Variants in FBXL17 observed in about 807,000 individuals in gnomAD.
The protein encoded by FBXL17 is F-box/LRR-repeat protein 17.
In FBXL17, 22 loss-of-function variants were observed where a neutral mutation model predicts 66.2. The ratio of observed to expected loss-of-function variants is 0.33; its 90% CI spans 0.24 to 0.47. The LOEUF (loss-of-function observed/expected upper bound fraction) is 0.47, where lower values mean the gene tolerates loss of function less well. Among genes scored for constraint, FBXL17 ranks in the 20% least tolerant of loss-of-function variants. FBXL17 has a pLI of 1.00. For synonymous variants in FBXL17, 474 were observed against 400.5 expected, an observed-to-expected ratio of 1.18 and a Z score of -2.19; for missense variants, 878 against 948.2, an observed-to-expected ratio of 0.93 and a Z score of 0.97.
chr5:108,039,024 C>G (rs980878504), intron 6 of FBXL17, among the ~76,000 whole-genome samples: 1 of 151,972 alleles, frequency 6.6e-6, no homozygotes, highest in Non-Finnish European at 1.5e-5. Flanking sequence ...TTTAAAGATA[C>G]AAATGTTTAA....
rs187800370 is a variant in FBXL17, at chr5:108,224,332, T to G, written c.1507-104A>C. ...AGCCCCACCTTGCATCATTACTATT[T>G]CCTGCCCTGTTAGATCATTTGAATC... On this transcript the variant is annotated intron_variant, in intron 4 of 8. Transcript: ENST00000542267. 306 of 528,608 alleles carry G rather than the reference T, an allele frequency of 5.8e-4. 2 individuals are homozygous for G. Among genetic ancestry groups the G allele is most frequent in the Middle Eastern group, 1.4e-3 (5 of 3,588 alleles). 32.7% of individuals were successfully genotyped at this position (528,608 alleles called of 1,614,324 possible). A position where few individuals can be genotyped will look rare whatever the true frequency, so the allele number is the denominator to read the frequency against.
intron 6 of FBXL17, among the ~76,000 whole-genome samples, chr5:108,154,606 A>AT (rs1554070050): frequency 0.044 from 4,295 of 96,518 alleles, 154 homozygotes; most frequent in Non-Finnish European, 0.057. Context: ...AAAAAAAAAA[A>AT]ATATATATAT....
At chr5:107,969,816 A>G (rs182427265) in intron 7 of FBXL17, among the ~76,000 whole-genome samples, 2 of 152,322 alleles carry the variant, frequency 1.3e-5, no homozygotes, top group African/African-American at 2.4e-5. Flanking sequence ...TTTGAACAGT[A>G]TAATGTGGAC....
intron 5 of FBXL17, among the ~76,000 whole-genome samples, chr5:108,190,963 T>G (rs1753448460): frequency 6.6e-6 from 1 of 152,198 alleles, no homozygotes; most frequent in Non-Finnish European, 1.5e-5. Flanking sequence ...GCTCATGTGC[T>G]GACAGCAGCC....
intron 6 of FBXL17, among the ~76,000 whole-genome samples, chr5:108,133,528 T>G (rs1203201990): frequency 1.3e-5 from 2 of 152,140 alleles, no homozygotes; most frequent in African/African-American, 4.8e-5. Context: ...TTTTGGAGAC[T>G]GAATTTTAAA....
At chr5:108,251,578 T>C (rs1756352619) in intron 4 of FBXL17, among the ~76,000 whole-genome samples, 1 of 152,016 alleles carries the variant, frequency 6.6e-6, no homozygotes, top group Non-Finnish European at 1.5e-5. Context: ...TAAGATTTCC[T>C]GAAACTGAGC....
chr5:107,889,924 C>G (rs1430148990), intron 7 of FBXL17, among the ~76,000 whole-genome samples: 1 of 152,080 alleles, frequency 6.6e-6, no homozygotes, highest in Non-Finnish European at 1.5e-5. Context: ...ATATATTTAA[C>G]AGGAACCTGA....
At chr5:108,225,026 G>A (rs757019208) in intron 4 of FBXL17, among the ~76,000 whole-genome samples, 3 of 152,040 alleles carry the variant, frequency 2.0e-5, no homozygotes, top group Middle Eastern at 3.4e-3. Context: ...CACCATTACC[G>A]ATATCTAATT....
At chr5:108,018,116 G>A (rs1754452812) in intron 7 of FBXL17, among the ~76,000 whole-genome samples, 1 of 151,042 alleles carries the variant, frequency 6.6e-6, no homozygotes. Context: ...AGAAAGAGGA[G>A]GCCAAAAACA....
intron 6 of FBXL17, among the ~76,000 whole-genome samples, chr5:108,102,730 C>A (rs1422646255): frequency 3.9e-5 from 6 of 152,060 alleles, no homozygotes; most frequent in Non-Finnish European, 1.5e-5. Flanking sequence ...AAGACAAAAA[C>A]CTTTATGAAA....
intron 7 of FBXL17, among the ~76,000 whole-genome samples, chr5:107,980,813 C>T (rs373400771): frequency 2.7e-5 from 4 of 149,396 alleles, no homozygotes; most frequent in South Asian, 2.1e-4. Flanking sequence ...CCCACCACCA[C>T]GCCTGGCTAA....
intron 4 of FBXL17, among the ~76,000 whole-genome samples, chr5:108,314,513 C>T (rs1282292760): frequency 1.3e-5 from 2 of 151,328 alleles, no homozygotes; most frequent in Admixed American, 6.6e-5. Flanking sequence ...GTTCCAAATG[C>T]CTTTATTCAC....
chr5:108,064,701 T>C (rs1748052266), intron 6 of FBXL17, among the ~76,000 whole-genome samples: 1 of 152,210 alleles, frequency 6.6e-6, no homozygotes. Context: ...GCTAGTCTTG[T>C]CAGATTAGTT....
At chr5:108,185,933 C>T (rs1298621578) in intron 6 of FBXL17, among the ~76,000 whole-genome samples, 184 bp downstream of exon 6, 1 of 152,156 alleles carries the variant, frequency 6.6e-6, no homozygotes, top group Non-Finnish European at 1.5e-5. Context: ...AAAAACTTTG[C>T]TGCACTTATA....
At chr5:107,961,401 T>G (rs1014990322) in intron 7 of FBXL17, among the ~76,000 whole-genome samples, 1 of 151,534 alleles carries the variant, frequency 6.6e-6, no homozygotes, top group Non-Finnish European at 1.5e-5. Flanking sequence ...ATTTTTGTAA[T>G]TTTTTTGGTA....
At chr5:108,244,341 A>G (rs1489467753) in intron 4 of FBXL17, among the ~76,000 whole-genome samples, 2 of 152,200 alleles carry the variant, frequency 1.3e-5, no homozygotes. Context: ...ATTTAAGTTT[A>G]TATAACCCTA....
intron 8 of FBXL17, among the ~76,000 whole-genome samples, chr5:107,865,288 G>T (rs1036496533): frequency 6.6e-6 from 1 of 152,190 alleles, no homozygotes; most frequent in African/African-American, 2.4e-5. Flanking sequence ...TGTGATAACT[G>T]TTTTCCAGGA....
At chr5:108,310,892 C>T (rs1055940353) in intron 4 of FBXL17, among the ~76,000 whole-genome samples, 6 of 152,300 alleles carry the variant, frequency 3.9e-5, no homozygotes, top group Middle Eastern at 3.4e-3. Context: ...GACAATTTTA[C>T]TTCACTACCT....
chr5:108,261,976 G>A (rs985472407), intron 4 of FBXL17, among the ~76,000 whole-genome samples: 3 of 151,810 alleles, frequency 2.0e-5, no homozygotes, highest in Non-Finnish European at 4.4e-5. Flanking sequence ...CAAACTTAGG[G>A]ATGAGATGGG....
Sources: allele counts gnomAD v4.1 joint callset (sites outside exome capture counted in the v4.1 genomes callset), GRCh38; gene constraint gnomAD v4.1.1; transcripts MANE v1.5; gene names NCBI Gene and HGNC (gene_info 2026-07-23, HGNC 2026-07-21).